The following ROR1 variants were observed in gnomAD, a reference collection of about 807,000 sequenced individuals.
ROR1 encodes the protein ROR family WNT receptor 1.
ROR1 carries 19 observed loss-of-function variants against 78.8 expected under a neutral mutation model. The observed-to-expected ratio is 0.24, with a 90% CI of 0.17 to 0.35. The LOEUF is 0.35. ROR1 is among the 10% of genes least tolerant of loss of function. ROR1 has a pLI of 1.00. For missense variants in ROR1, 917 were observed against 1,177.8 expected, an observed-to-expected ratio of 0.78 and a Z score of 3.24; for synonymous variants, 386 against 433.6, an observed-to-expected ratio of 0.89 and a Z score of 1.36.
In ROR1 at chr1:64,014,754, A is replaced by G. The variant is rs371878597; in HGVS notation, c.163+5378A>G. ...ACATACGCACACTATATATATATAT[A>G]TATATATATATATATATATACACAT... On this transcript the variant is annotated intron_variant, in intron 2 of 8. Coordinates refer to ENST00000371079, the MANE Select transcript of ROR1 (RefSeq NM_005012.4). Among the ~76,000 whole-genome samples the G allele has an allele frequency of 6.4e-4, 22 of 34,484 alleles. 1 individual carries two copies. Among genetic ancestry groups the G allele is most frequent in the South Asian group, 2.1e-3 (1 of 486 alleles). 22.6% of individuals were successfully genotyped at this position (34,484 alleles called of 152,430 possible).
At chr1:63,863,358 G>A (rs764620043) in intron 1 of ROR1, among the ~76,000 whole-genome samples, 1 of 152,160 alleles carries the variant, frequency 6.6e-6, no homozygotes, top group African/African-American at 2.4e-5. Context: ...GGAGGTAAAT[G>A]AGTAAACAGA....
intron 4 of ROR1, among the ~76,000 whole-genome samples, chr1:64,098,483 A>G (rs777496491): frequency 4.6e-5 from 7 of 152,140 alleles, no homozygotes; most frequent in East Asian, 1.9e-4. Flanking sequence ...GCCCCTCCAC[A>G]TGCCAGAATT....
chr1:64,011,467 C>T (rs1444625260), intron 2 of ROR1, among the ~76,000 whole-genome samples: 1 of 152,086 alleles, frequency 6.6e-6, no homozygotes, highest in East Asian at 1.9e-4. Flanking sequence ...GATCAGATTC[C>T]AGTTATGGCA....
At chr1:63,955,433 G>A (rs1213864455) in intron 1 of ROR1, among the ~76,000 whole-genome samples, 1 of 152,008 alleles carries the variant, frequency 6.6e-6, no homozygotes, top group Non-Finnish European at 1.5e-5. Context: ...TATTTCAAAG[G>A]GGGCAGATTC....
intron 1 of ROR1, among the ~76,000 whole-genome samples, chr1:63,906,322 A>G (rs558902646): frequency 7.9e-4 from 121 of 152,356 alleles, no homozygotes; most frequent in African/African-American, 2.8e-3. Flanking sequence ...GTAGAAAGCA[A>G]GGATCATTTT....
chr1:63,785,454 TG>T (rs1430451079), intron 1 of ROR1, among the ~76,000 whole-genome samples: 2 of 151,840 alleles, frequency 1.3e-5, no homozygotes, highest in Non-Finnish European at 2.9e-5. Context: ...AGACCAGTGG[TG>T]TGTAGACCAC....
intron 1 of ROR1, among the ~76,000 whole-genome samples, chr1:63,851,692 A>G (rs567586423): frequency 6.6e-6 from 1 of 152,350 alleles, no homozygotes; most frequent in South Asian, 2.1e-4. Context: ...AATAATAAGC[A>G]TATGCAAACA....
intron 1 of ROR1, among the ~76,000 whole-genome samples, chr1:63,914,484 G>A (rs764069451): frequency 6.6e-6 from 1 of 152,148 alleles, no homozygotes; most frequent in Non-Finnish European, 1.5e-5. Context: ...AGCTCATGCC[G>A]GTAATCAGCA....
intron 1 of ROR1, among the ~76,000 whole-genome samples, chr1:63,781,267 A>C (rs1445311903): frequency 6.6e-6 from 1 of 152,178 alleles, no homozygotes. Flanking sequence ...TTTTTTGAGC[A>C]CCTGCTATAT....
intron 7 of ROR1, chr1:64,143,198 TCC>T: frequency 1.0e-6 from 1 of 989,756 alleles, no homozygotes; most frequent in Non-Finnish European, 1.2e-6. Context: ...AGTTAACTGT[TCC>T]TTTTTCTAGA....
At chr1:63,924,013 G>C (rs1473956193) in intron 1 of ROR1, among the ~76,000 whole-genome samples, 1 of 151,606 alleles carries the variant, frequency 6.6e-6, no homozygotes, top group African/African-American at 2.4e-5. Flanking sequence ...CTAAACACGG[G>C]GTTCTTCCAT....
intron 1 of ROR1, among the ~76,000 whole-genome samples, chr1:63,823,766 T>A (rs1644937419): frequency 6.8e-6 from 1 of 147,334 alleles, no homozygotes. Flanking sequence ...ATCTTAAACT[T>A]TTTTTTTTTT....
At chr1:63,856,672 A>T (rs150459822) in intron 1 of ROR1, among the ~76,000 whole-genome samples, 1 of 152,288 alleles carries the variant, frequency 6.6e-6, no homozygotes, top group Non-Finnish European at 1.5e-5. Flanking sequence ...TCAGGCAGTA[A>T]GCTGGAGGAC....
At chr1:63,823,818 G>T (rs1170861203) in intron 1 of ROR1, among the ~76,000 whole-genome samples, 1 of 151,778 alleles carries the variant, frequency 6.6e-6, no homozygotes, top group Non-Finnish European at 1.5e-5. Flanking sequence ...TGCAATCCCG[G>T]CTTACTGCAA....
intron 4 of ROR1, among the ~76,000 whole-genome samples, chr1:64,056,955 G>A (rs978782612): frequency 2.6e-5 from 4 of 152,034 alleles, no homozygotes; most frequent in Admixed American, 6.5e-5. Context: ...TTCATTCTAT[G>A]GATTGTCTTT....
intron 1 of ROR1, among the ~76,000 whole-genome samples, chr1:63,975,090 C>T (rs1646148438): frequency 6.6e-6 from 1 of 152,072 alleles, no homozygotes; most frequent in South Asian, 2.1e-4. Flanking sequence ...CACTTTTGCC[C>T]AGTAGGCAAT....
intron 7 of ROR1, chr1:64,143,286 C>T (rs1156435233): frequency 8.3e-6 from 8 of 967,154 alleles, no homozygotes; most frequent in South Asian, 4.8e-5. Flanking sequence ...CTAGGAAGGC[C>T]GAGGCAGGAG....
chr1:63,810,619 T>C (rs183371750), intron 1 of ROR1, among the ~76,000 whole-genome samples: 85 of 152,234 alleles, frequency 5.6e-4, no homozygotes, highest in Admixed American at 1.1e-3. Flanking sequence ...AAGATTATAT[T>C]TGAGCTGGAT....
chr1:63,986,685 G>A (rs1282860990), intron 1 of ROR1, among the ~76,000 whole-genome samples: 2 of 152,106 alleles, frequency 1.3e-5, no homozygotes, highest in Non-Finnish European at 2.9e-5. Context: ...TTGAGCCCAG[G>A]AATTCAAGAT....
Sources: allele counts gnomAD v4.1 joint callset (sites outside exome capture counted in the v4.1 genomes callset), GRCh38; gene constraint gnomAD v4.1.1; transcripts MANE v1.5; gene names NCBI Gene and HGNC (gene_info 2026-07-23, HGNC 2026-07-21).